The following AUTS2 variants were observed in gnomAD, a reference collection of about 807,000 sequenced individuals.
The protein encoded by AUTS2 is autism susceptibility gene 2 protein.
AUTS2 carries 17 observed loss-of-function variants against 112.4 expected under a neutral mutation model. That is an observed-to-expected ratio of 0.15 (90% CI 0.10 to 0.23). The LOEUF is 0.23. Among genes scored for constraint, AUTS2 ranks in the 10% least tolerant of loss-of-function variants. AUTS2 has a pLI of 1.00. For missense variants in AUTS2, 1,510 were observed against 1,701.6 expected (o/e 0.89, Z 1.98); for synonymous variants, 751 against 702.7 (o/e 1.07, Z -1.09).
chr7:69,831,028 G>T (rs1255426448), intron 1 of AUTS2, among the ~76,000 whole-genome samples: 1 of 152,156 alleles, frequency 6.6e-6, no homozygotes. Context: ...GGCTTTCATA[G>T]ACAGCCTGGT....
chr7:70,551,459 C>T (rs1801012296), intron 5 of AUTS2, among the ~76,000 whole-genome samples: 1 of 152,140 alleles, frequency 6.6e-6, no homozygotes, highest in African/African-American at 2.4e-5. Flanking sequence ...GTCTTCCTCC[C>T]AAAAACCTCT....
At chr7:70,020,546 C>T (rs1800223176) in intron 2 of AUTS2, among the ~76,000 whole-genome samples, 1 of 152,112 alleles carries the variant, frequency 6.6e-6, no homozygotes, top group Non-Finnish European at 1.5e-5. Context: ...GGATAGAGTC[C>T]AAAGGCATCT....
At chr7:69,912,578 A>G (rs1012221763) in intron 2 of AUTS2, among the ~76,000 whole-genome samples, 1 of 152,254 alleles carries the variant, frequency 6.6e-6, no homozygotes, top group Non-Finnish European at 1.5e-5. Context: ...GACATAGTAC[A>G]GTATTAGAAG....
At chr7:70,356,113 C>A (rs2129624868) in intron 4 of AUTS2, among the ~76,000 whole-genome samples, 1 of 152,286 alleles carries the variant, frequency 6.6e-6, no homozygotes, top group Admixed American at 6.5e-5. Context: ...GTGCTCAGAA[C>A]AAGGAGCAGT....
At chr7:70,538,357 G>A (rs1046461583) in intron 5 of AUTS2, among the ~76,000 whole-genome samples, 9 of 152,064 alleles carry the variant, frequency 5.9e-5, no homozygotes, top group African/African-American at 1.9e-4. Context: ...GTGAAACCCC[G>A]TCTCTACTAA....
chr7:70,721,965 A>G (rs1219781376), intron 6 of AUTS2, among the ~76,000 whole-genome samples: 1 of 152,166 alleles, frequency 6.6e-6, no homozygotes, highest in African/African-American at 2.4e-5. Context: ...CTGTAATGTT[A>G]TCTAGGATAT....
At chr7:70,089,657 T>C (rs1433919716) in intron 2 of AUTS2, among the ~76,000 whole-genome samples, 2 of 152,200 alleles carry the variant, frequency 1.3e-5, no homozygotes, top group Non-Finnish European at 2.9e-5. Context: ...TTTTTTCCTA[T>C]GTTCCTCTGT....
chr7:70,765,096 G>T, intron 8 of AUTS2, 91 bp downstream of exon 8: 1 of 1,502,312 alleles, frequency 6.7e-7, no homozygotes, highest in Non-Finnish European at 9.0e-7. Context: ...TTGCAAGGTT[G>T]CATTTGCCTA....
chr7:69,678,654 C>G (rs894969218), intron 1 of AUTS2, among the ~76,000 whole-genome samples: 4 of 152,180 alleles, frequency 2.6e-5, no homozygotes, highest in African/African-American at 9.7e-5. Flanking sequence ...TATTTCCAAT[C>G]TCTCTCAACT....
intron 5 of AUTS2, among the ~76,000 whole-genome samples, chr7:70,559,830 C>T (rs1392387610): frequency 2.0e-5 from 3 of 152,164 alleles, no homozygotes; most frequent in African/African-American, 2.4e-5. Context: ...CATTGTTATG[C>T]CCTACGTCTT....
At chr7:70,015,369 A>T (rs1348967779) in intron 2 of AUTS2, among the ~76,000 whole-genome samples, 1 of 152,222 alleles carries the variant, frequency 6.6e-6, no homozygotes, top group Non-Finnish European at 1.5e-5. Flanking sequence ...CACCATTTTT[A>T]CAGATGCCAA....
At chr7:70,302,032 C>G (rs1789243071) in intron 4 of AUTS2, among the ~76,000 whole-genome samples, 1 of 152,052 alleles carries the variant, frequency 6.6e-6, no homozygotes, top group African/African-American at 2.4e-5. Context: ...CCCACCGCAC[C>G]CAGCTGACAT....
At chr7:69,774,336 G>A (rs1366906877) in intron 1 of AUTS2, among the ~76,000 whole-genome samples, 1 of 152,208 alleles carries the variant, frequency 6.6e-6, no homozygotes, top group Non-Finnish European at 1.5e-5. Flanking sequence ...GGAAATTGGG[G>A]CTGCTATGAA....
At chr7:70,602,711 T>C (rs1204571276) in intron 5 of AUTS2, among the ~76,000 whole-genome samples, 1 of 152,202 alleles carries the variant, frequency 6.6e-6, no homozygotes, top group Non-Finnish European at 1.5e-5. Flanking sequence ...AGTATTTGGA[T>C]CACTGTTTCT....
At chr7:69,763,449 G>A (rs12698808) in intron 1 of AUTS2, among the ~76,000 whole-genome samples, 149,279 of 152,328 alleles carry the variant, frequency 0.98, 73,166 homozygotes, top group Middle Eastern at 1. Context: ...AATAATATCT[G>A]CCTTAGTAAT....
At chr7:70,688,631 C>A (rs1459421483) in intron 5 of AUTS2, among the ~76,000 whole-genome samples, 1 of 152,092 alleles carries the variant, frequency 6.6e-6, no homozygotes, top group African/African-American at 2.4e-5. Flanking sequence ...AGTCAGAGAT[C>A]AGCATGAGCA....
chr7:70,223,668 C>T (rs1811602787), intron 4 of AUTS2, among the ~76,000 whole-genome samples: 1 of 152,094 alleles, frequency 6.6e-6, no homozygotes, highest in Non-Finnish European at 1.5e-5. Context: ...AACTTTAGAA[C>T]ATCTCAGGCA....
chr7:70,231,296 C>T (rs1465338318), intron 4 of AUTS2, among the ~76,000 whole-genome samples: 4 of 152,178 alleles, frequency 2.6e-5, no homozygotes, highest in South Asian at 2.1e-4. Flanking sequence ...AAAACACACT[C>T]GTAATCACCA....
intron 4 of AUTS2, among the ~76,000 whole-genome samples, chr7:70,215,913 A>G (rs1474430572): frequency 2.0e-5 from 3 of 152,226 alleles, no homozygotes; most frequent in Admixed American, 6.5e-5. Context: ...GGCTTAAATC[A>G]CAGACTTTCT....
Sources: gnomAD v4.1 joint callset for allele counts (sites outside exome capture counted in the v4.1 genomes callset) on GRCh38, gnomAD v4.1.1 for gene constraint, MANE v1.5 for transcripts, NCBI Gene and HGNC (gene_info 2026-07-23, HGNC 2026-07-21) for gene names.